EYS: variants seen among roughly 807,000 people sequenced by gnomAD.
EYS encodes the protein protein eyes shut homolog.
A neutral mutation model predicts 282.1 loss-of-function variants in EYS; 250 were observed. The ratio of observed to expected loss-of-function variants is 0.89; its 90% CI spans 0.80 to 0.98. EYS has a LOEUF of 0.98. Among genes scored for constraint, EYS ranks in the 50% least tolerant of loss-of-function variants. EYS has a pLI of 0.00. For synonymous variants in EYS, 1,355 were observed against 1,282.9 expected, an observed-to-expected ratio of 1.06 and a Z score of -1.20; for missense variants, 4,016 against 3,709.0, an observed-to-expected ratio of 1.08 and a Z score of -2.15.
intron 12 of EYS, among the ~76,000 whole-genome samples, chr6:65,118,770 C>A (rs113501329): frequency 6.6e-6 from 1 of 151,790 alleles, no homozygotes; most frequent in South Asian, 2.1e-4. Context: ...GACTACCATG[C>A]CTGCTTTGTG....
intron 13 of EYS, among the ~76,000 whole-genome samples, chr6:65,042,249 A>T (rs1210718174): frequency 6.6e-6 from 1 of 151,310 alleles, no homozygotes; most frequent in Non-Finnish European, 1.5e-5. Flanking sequence ...ATGTCTTTAT[A>T]TTTACCTGCA....
intron 26 of EYS, among the ~76,000 whole-genome samples, chr6:64,546,142 C>A (rs1406947263): frequency 2.0e-5 from 3 of 152,064 alleles, no homozygotes; most frequent in African/African-American, 7.2e-5. Flanking sequence ...GTACAGTAAC[C>A]AAAACAGCAT....
At chr6:65,074,570 C>T (rs1773991460) in intron 12 of EYS, among the ~76,000 whole-genome samples, 1 of 151,964 alleles carries the variant, frequency 6.6e-6, no homozygotes, top group African/African-American at 2.4e-5. Flanking sequence ...CTTACACTTC[C>T]CTTCTAGAAG....
In EYS at chr6:64,339,891, C is replaced by T. The variant is rs597613; in HGVS notation, c.6079-32809G>A. Among the ~76,000 whole-genome samples the T allele has an allele frequency of 3.0e-3, 450 of 151,536 alleles. 3 individuals carry two copies. The highest frequency in any genetic ancestry group is 0.01 in the African/African-American group (427 of 41,380). Reference sequence around the variant, plus strand: ...GGAATGATACAGTGGACTTTGGGGACCTGGCGAGAAGGGAAGGAGGTGGGC... The same window carrying T: ...GGAATGATACAGTGGACTTTGGGGATCTGGCGAGAAGGGAAGGAGGTGGGC... On this transcript the variant is annotated intron_variant, in intron 29 of 42. Coordinates refer to ENST00000503581, the MANE Select transcript of EYS (RefSeq NM_001142800.2).
intron 22 of EYS, among the ~76,000 whole-genome samples, chr6:64,655,403 A>G (rs2149881838): frequency 6.6e-6 from 1 of 152,154 alleles, no homozygotes; most frequent in African/African-American, 2.4e-5. Context: ...TGATGCCTAC[A>G]AAGTGTCTAA....
chr6:65,687,389 T>A (rs181002930), intron 1 of EYS, among the ~76,000 whole-genome samples: 3 of 152,086 alleles, frequency 2.0e-5, no homozygotes, highest in African/African-American at 7.2e-5. Context: ...ATAGAAAAAA[T>A]CTGAATAATT....
intron 15 of EYS, among the ~76,000 whole-genome samples, chr6:64,927,162 G>A (rs1368789000): frequency 6.6e-6 from 1 of 152,116 alleles, no homozygotes; most frequent in Non-Finnish European, 1.5e-5. Context: ...GGAAAAAAAA[G>A]GATTATTAGC....
At chr6:65,166,040 T>C (rs1764963904) in intron 12 of EYS, among the ~76,000 whole-genome samples, 1 of 151,122 alleles carries the variant, frequency 6.6e-6, no homozygotes, top group African/African-American at 2.4e-5. Flanking sequence ...AAAAGTAATA[T>C]AAGAGCTATA....
At chr6:65,537,797 A>G (rs1029887867) in intron 2 of EYS, among the ~76,000 whole-genome samples, 6 of 152,220 alleles carry the variant, frequency 3.9e-5, no homozygotes, top group Non-Finnish European at 4.4e-5. Context: ...GGACAGCTGG[A>G]GAAACAGAAG....
chr6:65,195,721 C>A (rs1765748891), intron 12 of EYS, among the ~76,000 whole-genome samples: 1 of 152,036 alleles, frequency 6.6e-6, no homozygotes, highest in Admixed American at 6.6e-5. Context: ...AACACACCAC[C>A]TCCATGTATC....
intron 32 of EYS, among the ~76,000 whole-genome samples, chr6:64,069,413 A>G (rs1198737495): frequency 6.6e-6 from 1 of 151,770 alleles, no homozygotes; most frequent in Non-Finnish European, 1.5e-5. Flanking sequence ...CTTTTCTTCT[A>G]TTGTTTTTAT....
chr6:64,727,147 G>A (rs934786209), intron 22 of EYS, among the ~76,000 whole-genome samples: 1 of 152,154 alleles, frequency 6.6e-6, no homozygotes, highest in African/African-American at 2.4e-5. Context: ...TAAATAATTT[G>A]AAGCTTGTTT....
chr6:64,284,182 C>G (rs562071931), intron 30 of EYS, among the ~76,000 whole-genome samples: 2 of 152,290 alleles, frequency 1.3e-5, no homozygotes, highest in East Asian at 3.9e-4. Context: ...CCTGTAAAAT[C>G]AAAAGCAAGT....
At chr6:65,280,116 G>A (rs1334680789) in intron 12 of EYS, among the ~76,000 whole-genome samples, 3 of 152,060 alleles carry the variant, frequency 2.0e-5, no homozygotes, top group Non-Finnish European at 2.9e-5. Flanking sequence ...CTTCTCAGAG[G>A]AGCTTTATTT....
At chr6:64,870,212 A>C (rs974734713) in intron 19 of EYS, among the ~76,000 whole-genome samples, 8 of 151,582 alleles carry the variant, frequency 5.3e-5, no homozygotes, top group African/African-American at 1.9e-4. Flanking sequence ...GCCTGCATAC[A>C]CCCCAAATCT....
chr6:64,597,026 T>C (rs1311638813), intron 24 of EYS, among the ~76,000 whole-genome samples: 1 of 151,860 alleles, frequency 6.6e-6, no homozygotes, highest in African/African-American at 2.4e-5. Flanking sequence ...ATAAAAAATA[T>C]AACCCCATCA....
chr6:64,563,567 A>G (rs1476537253), intron 26 of EYS, among the ~76,000 whole-genome samples: 1 of 152,154 alleles, frequency 6.6e-6, no homozygotes, highest in Non-Finnish European at 1.5e-5. Context: ...CCTGATGTCT[A>G]AAAATACTTG....
At chr6:64,987,547 G>A (rs1320591749) in intron 14 of EYS, among the ~76,000 whole-genome samples, 1 of 151,414 alleles carries the variant, frequency 6.6e-6, no homozygotes, top group African/African-American at 2.4e-5. Context: ...CTTGTTTTGT[G>A]AGTCCTGTGG....
In EYS at chr6:63,817,017, G is replaced by T. The variant is rs553894618; in HGVS notation, c.7229-10645C>A. The stretch of plus-strand genomic sequence containing the variant: ...AGTACAGAAGGAATCTCTGCATAAT[G>T]GCCATTTGTTCTCATGTTTATGTTG... On this transcript the variant is annotated intron_variant, in intron 36 of 42. Transcript: ENST00000503581. 2.5e-4 allele frequency among the ~76,000 whole-genome samples: 38 copies of T among 152,084 alleles called. 1 individual carries two copies. The highest frequency in any genetic ancestry group is 3.2e-4 in the Non-Finnish European group (22 of 68,010).
Sources: gnomAD v4.1 joint callset for allele counts (sites outside exome capture counted in the v4.1 genomes callset) on GRCh38, gnomAD v4.1.1 for gene constraint, MANE v1.5 for transcripts, NCBI Gene and HGNC (gene_info 2026-07-23, HGNC 2026-07-21) for gene names.